TRPC6: variants seen among roughly 807,000 people sequenced by gnomAD.
TRPC6 encodes the protein transient receptor potential cation channel subfamily C member 6.
A neutral mutation model predicts 90.7 loss-of-function variants in TRPC6; 55 were observed. The ratio of observed to expected loss-of-function variants is 0.61; its 90% CI spans 0.49 to 0.76. The LOEUF (loss-of-function observed/expected upper bound fraction) is 0.76. TRPC6 is among the 30% of genes least tolerant of loss of function. The pLI, the probability that TRPC6 is intolerant of heterozygous loss-of-function variation, is 0.00. For missense variants in TRPC6, 989 were observed against 1,122.7 expected (o/e 0.88, Z 1.70); for synonymous variants, 393 against 393.0 (o/e 1.00, Z 0.00).
intron 6 of TRPC6, among the ~76,000 whole-genome samples, chr11:101,475,285 G>A (rs1348165243): frequency 6.6e-6 from 1 of 152,062 alleles, no homozygotes; most frequent in African/African-American, 2.4e-5. Flanking sequence ...AAATGAAAAT[G>A]GCACTCAAAT....
intron 10 of TRPC6, among the ~76,000 whole-genome samples, chr11:101,467,262 T>C (rs1251260881): frequency 6.6e-6 from 1 of 152,224 alleles, no homozygotes; most frequent in Non-Finnish European, 1.5e-5. Flanking sequence ...ACCCCTTCTT[T>C]ATTTTTTGCA....
chr11:101,464,606 C>A (rs1591524488), intron 10 of TRPC6, among the ~76,000 whole-genome samples: 1 of 152,224 alleles, frequency 6.6e-6, no homozygotes, highest in Non-Finnish European at 1.5e-5. Context: ...ACTAGGATTG[C>A]AACACCTGCT....
Position 101,471,237 on chromosome 11 carries a change from A to G in TRPC6, c.2355T>C (p.Ser785=), listed in dbSNP as rs745451791. 10 of 1,613,992 alleles carry G rather than the reference A, an allele frequency of 6.2e-6. No individual in the cohort carries two copies. The highest frequency in any genetic ancestry group is 8.5e-6 in the Non-Finnish European group (10 of 1,179,886). ...YLLLKLKKWI[S]ELFQGHKKGF... ...CTTTTTTATGGCCCTGGAACAGCTC[A>G]GAAATCCATTTTTTAAGCTTCAGTA... The change falls in exon 9 of 13, where the codon TCT becomes TCC. Residue 785 remains serine, a synonymous_variant. Transcript: ENST00000344327.
At chr11:101,537,763 CA>C (rs34060162) in intron 1 of TRPC6, among the ~76,000 whole-genome samples, 23,315 of 148,060 alleles carry the variant, frequency 0.16, 1,959 homozygotes, top group Admixed American at 0.2. Context: ...ACATTGCTGT[CA>C]AAAAAAAAAG....
chr11:101,561,562 C>G (rs1861713964), intron 1 of TRPC6, among the ~76,000 whole-genome samples: 1 of 152,106 alleles, frequency 6.6e-6, no homozygotes, highest in South Asian at 2.1e-4. Flanking sequence ...CAAGAGCTCC[C>G]TTACTATATA....
intron 2 of TRPC6, among the ~76,000 whole-genome samples, chr11:101,499,641 ATATATATATATACACAATATAAAATGTG>A (rs1437459910): frequency 1.4e-4 from 6 of 41,774 alleles, no homozygotes; most frequent in East Asian, 3.2e-4. Flanking sequence ...TAAAATGTGT[ATATATATATATACACAATATAAAATGTG>A]TATATATATA....
rs1861010041 is a variant in TRPC6, at chr11:101,535,175, A to AAGG, written c.171-30378_171-30377insCCT. 1.2e-4 allele frequency among the ~76,000 whole-genome samples: 15 copies of AAGG among 129,604 alleles called. No homozygotes were observed. In the East Asian group the frequency reaches 1.7e-3, roughly 14 times the overall value. The allele number at this position is 129,604 out of a possible 152,430, so 85.0% of individuals were successfully genotyped here. A position where few individuals can be genotyped will look rare whatever the true frequency, so the allele number is the denominator to read the frequency against. On this transcript the variant is annotated intron_variant, in intron 1 of 12. Coordinates refer to ENST00000344327, the MANE Select transcript of TRPC6 (RefSeq NM_004621.6). Reference sequence around the variant, plus strand: ...AGCAAGATTCTGTCAGAAAGAAAAGAAAGGAAGGAAGGAAGGAAGGAAGGA... The same window carrying AAGG: ...AGCAAGATTCTGTCAGAAAGAAAAGAAGGAAGGAAGGAAGGAAGGAAGGAAGGA...
chr11:101,452,773 T>G lies in TRPC6; in HGVS notation c.*182A>C. 1.5e-6 allele frequency: 1 copy of G among 646,482 alleles called. No homozygotes were observed. The highest frequency in any genetic ancestry group is 2.8e-5 in the East Asian group (1 of 36,054). The allele number at this position is 646,482 out of a possible 1,614,324, so 40.0% of individuals were successfully genotyped here. On this transcript the variant is annotated 3_prime_UTR_variant, in exon 13 of 13. Coordinates refer to ENST00000344327, the MANE Select transcript of TRPC6 (RefSeq NM_004621.6). ...TCCTCATTATCTACAGCCTTTACCCTGAACAATGGAGTTTAATCACCAAAA... is the reference window on the plus strand; with the variant it reads ...TCCTCATTATCTACAGCCTTTACCCGGAACAATGGAGTTTAATCACCAAAA...
chr11:101,523,657 T>G (rs892096785), intron 1 of TRPC6, among the ~76,000 whole-genome samples: 2 of 152,220 alleles, frequency 1.3e-5, no homozygotes, highest in Non-Finnish European at 2.9e-5. Flanking sequence ...GGAGTTCATT[T>G]CACAGATACT....
At chr11:101,455,206 TA>T in intron 10 of TRPC6, 105 bp from the exon 11 acceptor site, 1 of 856,924 alleles carries the variant, frequency 1.2e-6, no homozygotes, top group Non-Finnish European at 1.9e-6. Context: ...ATACACAAAT[TA>T]TCTATATGTA....
intron 1 of TRPC6, among the ~76,000 whole-genome samples, chr11:101,534,846 C>T (rs1860999234): frequency 6.6e-6 from 1 of 152,020 alleles, no homozygotes; most frequent in African/African-American, 2.4e-5. Context: ...TCATATAAAC[C>T]TGCAAGATTT....
intron 9 of TRPC6, among the ~76,000 whole-genome samples, chr11:101,470,972 T>C (rs1057054072): frequency 1.3e-5 from 2 of 152,122 alleles, no homozygotes; most frequent in Admixed American, 6.6e-5. Context: ...TTATATTTCA[T>C]GAATTTTTCT....
At chr11:101,570,737 T>C (rs956343840) in intron 1 of TRPC6, among the ~76,000 whole-genome samples, 1 of 152,232 alleles carries the variant, frequency 6.6e-6, no homozygotes, top group African/African-American at 2.4e-5. Flanking sequence ...TCAATAAATG[T>C]AATCCATCAC....
At chr11:101,523,847 C>T (rs1860715489) in intron 1 of TRPC6, among the ~76,000 whole-genome samples, 1 of 152,148 alleles carries the variant, frequency 6.6e-6, no homozygotes, top group Non-Finnish European at 1.5e-5. Context: ...TCTATTATTG[C>T]AAAAAATGAT....
intron 1 of TRPC6, among the ~76,000 whole-genome samples, chr11:101,542,246 G>A (rs1426547258): frequency 2.0e-5 from 3 of 152,144 alleles, no homozygotes; most frequent in East Asian, 1.9e-4. Flanking sequence ...GTGGCAACCC[G>A]TCTAAATATG....
At chr11:101,456,812 T>C (rs1450308008) in intron 10 of TRPC6, among the ~76,000 whole-genome samples, 1 of 152,204 alleles carries the variant, frequency 6.6e-6, no homozygotes, top group African/African-American at 2.4e-5. Context: ...TTTTTATGGG[T>C]CTAGTTTTTT....
chr11:101,495,363 G>T (rs576803040), intron 2 of TRPC6, among the ~76,000 whole-genome samples: 1 of 152,112 alleles, frequency 6.6e-6, no homozygotes, highest in Admixed American at 6.6e-5. Flanking sequence ...AGAGAAAAAT[G>T]CATGTCTTGA....
chr11:101,503,874 A>G, intron 2 of TRPC6, 150 bp downstream of exon 2: 1 of 988,970 alleles, frequency 1.0e-6, no homozygotes. Flanking sequence ...CTTTTGCTAC[A>G]ATGATTATAA....
chr11:101,534,238 A>G (rs1860980630), intron 1 of TRPC6, among the ~76,000 whole-genome samples: 1 of 151,984 alleles, frequency 6.6e-6, no homozygotes, highest in Non-Finnish European at 1.5e-5. Context: ...CTGGTTCAAG[A>G]GATTTTGCTA....
Sources: gnomAD v4.1 joint callset for allele counts (sites outside exome capture counted in the v4.1 genomes callset) on GRCh38, gnomAD v4.1.1 for gene constraint, MANE v1.5 for transcripts, NCBI Gene and HGNC (gene_info 2026-07-23, HGNC 2026-07-21) for gene names.